Variants in PAPOLA observed in about 807,000 individuals in gnomAD.
PAPOLA encodes polynucleotide adenylyltransferase alpha.
Under a neutral mutation model 100.6 loss-of-function variants are expected in PAPOLA, and 15 were observed. That is an observed-to-expected ratio of 0.15 (90% confidence interval 0.10 to 0.23). PAPOLA has a LOEUF of 0.23. Among genes scored for constraint, PAPOLA ranks in the 10% least tolerant of loss-of-function variants. PAPOLA has a pLI of 1.00. For synonymous variants in PAPOLA, 293 were observed against 300.0 expected, an observed-to-expected ratio of 0.98 and a Z score of 0.24; for missense variants, 533 against 884.2, an observed-to-expected ratio of 0.60 and a Z score of 5.04.
At chr14:96,529,627 C>T (rs1898811661) in intron 6 of PAPOLA, among the ~76,000 whole-genome samples, 1 of 151,950 alleles carries the variant, frequency 6.6e-6, no homozygotes, top group Non-Finnish European at 1.5e-5. Context: ...GAGACTGAGG[C>T]AGGAGAATCA....
intron 1 of PAPOLA, among the ~76,000 whole-genome samples, chr14:96,506,174 G>GAGCAACATTATAACTGGAAAAGAGGAGT: frequency 6.6e-6 from 1 of 152,308 alleles, no homozygotes; most frequent in Middle Eastern, 3.4e-3. Context: ...AAAGTGCTGG[G>GAGCAACATTATAACTGGAAAAGAGGAGT]ATTACAGGCA....
intron 7 of PAPOLA, chr14:96,531,809 A>C: frequency 7.0e-7 from 1 of 1,418,586 alleles, no homozygotes; most frequent in Non-Finnish European, 9.1e-7. Flanking sequence ...TGGTATACTC[A>C]GGACACTTAA....
At chr14:96,502,929 AC>A (rs926138179) in intron 1 of PAPOLA, 13 of 336,980 alleles carry the variant, frequency 3.9e-5, no homozygotes, top group African/African-American at 2.1e-4. Flanking sequence ...AATCAAAACA[AC>A]CCGAAAACAA....
intron 17 of PAPOLA, among the ~76,000 whole-genome samples, chr14:96,553,809 G>A (rs540361618): frequency 6.6e-6 from 1 of 152,236 alleles, no homozygotes; most frequent in South Asian, 2.1e-4. Context: ...CACCACGCCC[G>A]GCCTGTATTA....
chr14:96,540,467 A>G (rs2140300434), intron 12 of PAPOLA, among the ~76,000 whole-genome samples: 1 of 151,392 alleles, frequency 6.6e-6, no homozygotes, highest in East Asian at 1.9e-4. Context: ...GGACCTAGAA[A>G]TCAGGTTACT....
At chr14:96,505,149 C>T (rs1004164201) in intron 1 of PAPOLA, among the ~76,000 whole-genome samples, 3 of 152,160 alleles carry the variant, frequency 2.0e-5, no homozygotes, top group Non-Finnish European at 4.4e-5. Flanking sequence ...AACAGTTTCT[C>T]ACCTAGTCAT....
chr14:96,516,370 C>G (rs1244738338), intron 1 of PAPOLA, among the ~76,000 whole-genome samples: 1 of 150,476 alleles, frequency 6.6e-6, no homozygotes, highest in East Asian at 1.9e-4. Flanking sequence ...CCCTCATTCT[C>G]TCCCTCTCTT....
intron 6 of PAPOLA, among the ~76,000 whole-genome samples, chr14:96,530,887 T>C (rs1898949304): frequency 6.6e-6 from 1 of 152,082 alleles, no homozygotes; most frequent in Non-Finnish European, 1.5e-5. Context: ...TGGTTTTGAC[T>C]TACCGCAACC....
chr14:96,566,571 G>A lies in PAPOLA; in HGVS notation c.*1521G>A, dbSNP rs1462778642. On this transcript the variant is annotated 3_prime_UTR_variant, in exon 22 of 22. Transcript: ENST00000216277. ...CCCTATCCTTCTAAATTAATTTTCTGAAGTTGGAGTGTAGTCTTTTCCCCC... is the reference window on the plus strand; with the variant it reads ...CCCTATCCTTCTAAATTAATTTTCTAAAGTTGGAGTGTAGTCTTTTCCCCC... 1 of 152,634 alleles carries A rather than the reference G, an allele frequency of 6.6e-6. No homozygotes were observed. The highest frequency in any genetic ancestry group is 1.9e-4 in the East Asian group (1 of 5,184). 9.5% of individuals were successfully genotyped at this position (152,634 alleles called of 1,614,324 possible).
At chr14:96,536,474 G>C (rs1899538694) in intron 11 of PAPOLA, among the ~76,000 whole-genome samples, 1 of 151,970 alleles carries the variant, frequency 6.6e-6, no homozygotes, top group South Asian at 2.1e-4. Flanking sequence ...GAAATAACTG[G>C]AACAGATTGG....
chr14:96,543,118 A>G (rs547058776), intron 14 of PAPOLA, among the ~76,000 whole-genome samples: 12 of 152,134 alleles, frequency 7.9e-5, no homozygotes, highest in Admixed American at 3.9e-4. Flanking sequence ...TATTCTTCCA[A>G]TGATGAGGTG....
Position 96,502,545 on chromosome 14 carries a change from CGGCGGTTGCGGG to C in PAPOLA, c.-45_-34del, listed in dbSNP as rs770400884. 3 of 1,464,884 alleles carry C rather than the reference CGGCGGTTGCGGG, an allele frequency of 2.0e-6. No homozygotes were observed. The African/African-American group carries it at 4.3e-5, about 21-fold the overall frequency. 90.7% of individuals were successfully genotyped at this position (1,464,884 alleles called of 1,614,324 possible). On this transcript the variant is annotated 5_prime_UTR_variant, in exon 1 of 22. Transcript: ENST00000216277. ...TGGATCATGCCCAGGGCGGCAGCGG[CGGCGGTTGCGGG>C]GGGGAAGTGACTGGGCGGTGCCGGC... is the stretch of plus-strand genomic sequence containing the variant.
chr14:96,508,784 T>C (rs536909069), intron 1 of PAPOLA, among the ~76,000 whole-genome samples: 1 of 152,360 alleles, frequency 6.6e-6, no homozygotes, highest in South Asian at 2.1e-4. Context: ...TCTAATTACC[T>C]AGCAGCTTTT....
chr14:96,510,482 C>T lies in PAPOLA; in HGVS notation c.8+7882C>T, dbSNP rs556497142. Reference sequence around the variant, plus strand: ...GAGAGAGGGACACAACACACACGCGCGCGTGCGCTTGTGCGCAAAGGGGCA... The same window carrying T: ...GAGAGAGGGACACAACACACACGCGTGCGTGCGCTTGTGCGCAAAGGGGCA... On this transcript the variant is annotated intron_variant, in intron 1 of 21. Transcript: ENST00000216277. Among the ~76,000 whole-genome samples, 22 of 151,408 alleles carry T rather than the reference C, an allele frequency of 1.5e-4. No homozygotes were observed. The South Asian group carries it at 1.5e-3, about 10-fold the overall frequency.
At position 96,502,475 on chromosome 14, in the gene PAPOLA, T is replaced by C. The variant is rs1015892558; in HGVS notation, c.-118T>C. 44 of 769,388 alleles carry C rather than the reference T, an allele frequency of 5.7e-5. 1 individual carries two copies. In the Admixed American group the frequency reaches 1.0e-3, roughly 18 times the overall value. 47.7% of individuals were successfully genotyped at this position (769,388 alleles called of 1,614,324 possible). ...CGGCGGGAGCGGTGCGGGAGAGGGG[T>C]TGGACCCAGGGCTGAGGCAGGCCCC... On this transcript the variant is annotated 5_prime_UTR_variant, in exon 1 of 22. Coordinates refer to ENST00000216277, the MANE Select transcript of PAPOLA (RefSeq NM_032632.5).
Position 96,556,283 on chromosome 14 carries a change from C to T in PAPOLA, c.1874C>T (p.Pro625Leu). The T allele has an allele frequency of 5.0e-6, 8 of 1,613,946 alleles. No individual in the cohort carries two copies. Among genetic ancestry groups the T allele is most frequent in the Non-Finnish European group, 6.8e-6 (8 of 1,179,936 alleles). The change falls in exon 19 of 22, where the codon CCA becomes CTA. Residue 625 changes from proline to leucine, a missense_variant. This residue lies in a region of PAPOLA where 242 missense variants were observed against 281.0 expected (regional missense o/e 0.86). Transcript: ENST00000216277. ...VVSSTRLVNP[P>L]PRSSGNAATS... ...TCTTCAACACGTCTGGTAAACCCAC[C>T]ACCTAGATCTTCAGGAAATGCAGCA...
chr14:96,515,099 A>C (rs1897363365), intron 1 of PAPOLA, among the ~76,000 whole-genome samples: 1 of 152,234 alleles, frequency 6.6e-6, no homozygotes, highest in African/African-American at 2.4e-5. Flanking sequence ...GTTGGGACCA[A>C]GATTGCCAAG....
chr14:96,535,891 G>A lies in PAPOLA; in HGVS notation c.922G>A (p.Asp308Asn). 1 of 1,594,080 alleles carries A rather than the reference G, an allele frequency of 6.3e-7. No individual in the cohort carries two copies. The change falls in exon 11 of 22, where the codon GAT (aspartate) becomes AAT (asparagine). Residue 308 changes from aspartate to asparagine, a missense_variant. Around this residue, in one of 9 missense-constraint regions of PAPOLA, gnomAD observed 87 missense variants for 173.3 expected, o/e 0.50. Coordinates refer to ENST00000216277, the MANE Select transcript of PAPOLA (RefSeq NM_032632.5). ...TTGTTGTATGTAGGTAAACCCCAGT[G>A]ATAGGTACCATCTTATGCCTATAAT... ...PVWDPRVNPS[D>N]RYHLMPIITP... is the part of the protein sequence containing the mutation.
intron 7 of PAPOLA, chr14:96,531,876 C>A (rs1899049178): frequency 5.1e-6 from 7 of 1,369,060 alleles, no homozygotes; most frequent in Middle Eastern, 2.7e-4. Context: ...ATGGCCTAAC[C>A]CAAATTAATT....
Sources: gnomAD v4.1 joint callset for allele counts (sites outside exome capture counted in the v4.1 genomes callset) on GRCh38, gnomAD v4.1.1 for gene constraint, gnomAD v4.1.1 regional missense constraint, MANE v1.5 for transcripts, NCBI Gene and HGNC (gene_info 2026-07-23, HGNC 2026-07-21) for gene names.